The following PRKACG variants were observed in gnomAD, a reference collection of about 807,000 sequenced individuals.
PRKACG encodes cAMP-dependent protein kinase catalytic subunit gamma.
PRKACG carries 24 observed loss-of-function variants against 25.6 expected under a neutral mutation model. That is an observed-to-expected ratio of 0.94 (90% CI 0.68 to 1.32). PRKACG has a LOEUF of 1.32. PRKACG is among the 40% of genes most tolerant of loss of function. The probability of loss-of-function intolerance (pLI) is 0.00; values close to 1 mark genes in which losing one functional copy is unlikely to be tolerated. For synonymous variants in PRKACG, 202 were observed against 195.9 expected (o/e 1.03, Z -0.26); for missense variants, 481 against 462.9 (o/e 1.04, Z -0.36).
Position 69,012,903 on chromosome 9 carries a change from C to T in PRKACG, c.*134G>A. 1 of 885,186 alleles carries T rather than the reference C, an allele frequency of 1.1e-6. No homozygotes were observed. The highest frequency in any genetic ancestry group is 1.8e-5 in the South Asian group (1 of 56,030). The allele number at this position is 885,186 out of a possible 1,614,324, so 54.8% of individuals were successfully genotyped here. A position where few individuals can be genotyped will look rare whatever the true frequency, so the allele number is the denominator to read the frequency against. On this transcript the variant is annotated 3_prime_UTR_variant, in exon 1 of 1. Transcript: ENST00000377276. ...TATCTGGGCTTCCTGCTCCCCCAAC[C>T]CTGGAGGGTGGGGTGAGGATGAAAT...
rs765549654 is a variant in PRKACG, at chr9:69,013,898, C to T, written c.195G>A (p.Glu65=). ...TCTTCATGGCGTAGTGGCCGCCGGT[C>T]TCCTGGTGCCTCACCAGCATCACCC... ...FGRVMLVRHQ[E]TGGHYAMKIL... The change falls in exon 1 of 1, where the codon GAG becomes GAA. Residue 65 remains glutamate (E), a synonymous_variant. Coordinates refer to ENST00000377276, the MANE Select transcript of PRKACG (RefSeq NM_002732.4). 1.2e-5 allele frequency: 19 copies of T among 1,613,838 alleles called. No homozygotes were observed. The highest frequency in any genetic ancestry group is 3.3e-4 in the Middle Eastern group (2 of 6,084).
Position 69,013,552 on chromosome 9 carries a change from G to T in PRKACG, c.541C>A (p.Leu181Met), listed in dbSNP as rs986620783. The part of the protein sequence containing the change: ...ENLLIDQQGY[L>M]QVTDFGFAKR... Reference sequence around the variant, plus strand: ...GCGAAACCGAAGTCCGTCACCTGCAGGTAGCCCTGCTGGTCGATGAGGAGA... The same window carrying T: ...GCGAAACCGAAGTCCGTCACCTGCATGTAGCCCTGCTGGTCGATGAGGAGA... Residue 181 changes from leucine to methionine, a missense_variant, in exon 1 of 1, where the codon CTG (leucine) becomes ATG (methionine). Leu to Met is a conservative substitution (Grantham distance 15, BLOSUM62 2). Coordinates refer to ENST00000377276, the MANE Select transcript of PRKACG (RefSeq NM_002732.4). The T allele has an allele frequency of 6.2e-7, 1 of 1,613,950 alleles. No homozygotes were observed. Among genetic ancestry groups the T allele is most frequent in the Non-Finnish European group, 8.5e-7 (1 of 1,179,932 alleles).
At position 69,013,296 on chromosome 9, in the gene PRKACG, A is replaced by G. The variant is rs376888405; in HGVS notation, c.797T>C (p.Leu266Pro). ...CAGCAGGCTCCGCAGCAGATGCTTG[A>G]GGTCAGAGCTGAGTTTGGAGGGAAA... is the stretch of plus-strand genomic sequence containing the variant. ...VRFPSKLSSD[L>P]KHLLRSLLQV... Residue 266 changes from leucine (L) to proline (P), a missense_variant, in exon 1 of 1, where the codon CTC becomes CCC. Leu to Pro is a moderately conservative substitution (Grantham distance 98). Coordinates refer to ENST00000377276, the MANE Select transcript of PRKACG (RefSeq NM_002732.4). 14 of 1,613,970 alleles carry G rather than the reference A, an allele frequency of 8.7e-6. No individual in the cohort carries two copies. The highest frequency in any genetic ancestry group is 1.0e-5 in the Non-Finnish European group (12 of 1,180,014).
At position 69,013,927 on chromosome 9, in the gene PRKACG, C is replaced by A. The variant is rs781534995; in HGVS notation, c.166G>T (p.Gly56Trp). 6.2e-7 allele frequency: 1 copy of A among 1,613,872 alleles called. No homozygotes were observed. The highest frequency in any genetic ancestry group is 8.5e-7 in the Non-Finnish European group (1 of 1,180,000). ...TGGTGCCTCACCAGCATCACCCGCCCGAAGGAGCCCATGCCCAGCGTCCTG... is the reference window on the plus strand; with the variant it reads ...TGGTGCCTCACCAGCATCACCCGCCAGAAGGAGCCCATGCCCAGCGTCCTG... ...RLRTLGMGSFGRVMLVRHQET... is the reference protein window; with the variant it reads ...RLRTLGMGSFWRVMLVRHQET... Residue 56 changes from glycine to tryptophan, a missense_variant, in exon 1 of 1, where the codon GGG becomes TGG. Gly to Trp is a radical substitution (Grantham distance 184). Transcript: ENST00000377276.
In PRKACG at chr9:69,013,835, G is replaced by C. The variant is rs556702322; in HGVS notation, c.258C>G (p.Val86=). 1 of 1,613,720 alleles carries C rather than the reference G, an allele frequency of 6.2e-7. No individual in the cohort carries two copies. Residue 86 remains valine (V), a synonymous_variant, in exon 1 of 1, where the codon GTC becomes GTG. Transcript: ENST00000377276. ...TGCGCTTCTCGTTCAGTATGTGCTC[G>C]ACCTGCTTCATCTTCACCACCTTCT... ...NKQKVVKMKQ[V]EHILNEKRIL...
Position 69,013,719 on chromosome 9 carries a change from G to T in PRKACG, c.374C>A (p.Pro125Gln). The stretch of plus-strand genomic sequence containing the variant: ...TAGGCGGGAGAACATCTCCCCACCC[G>T]GCACGTACTCCATCACCAGGTACAG... Reference protein sequence around the residue: ...SYLYLVMEYVPGGEMFSRLQR... With the variant: ...SYLYLVMEYVQGGEMFSRLQR... Residue 125 changes from proline (P) to glutamine (Q), a missense_variant, in exon 1 of 1, where the codon CCG becomes CAG. Transcript: ENST00000377276. The T allele has an allele frequency of 1.2e-6, 2 of 1,614,058 alleles. No individual in the cohort carries two copies. The highest frequency in any genetic ancestry group is 1.7e-6 in the Non-Finnish European group (2 of 1,179,984).
chr9:69,013,718 CG>C lies in PRKACG; in HGVS notation c.374del (p.Pro125ArgfsTer44). ...SYLYLVMEYV[P>X]GGEMFSRLQR... ...GTAGGCGGGAGAACATCTCCCCACC[CG>C]GCACGTACTCCATCACCAGGTACAG... On this transcript the variant is annotated frameshift_variant, in exon 1 of 1. Transcript: ENST00000377276. LOFTEE classifies it high-confidence loss of function. 6.2e-7 allele frequency: 1 copy of C among 1,614,056 alleles called. No individual in the cohort carries two copies. The highest frequency in any genetic ancestry group is 8.5e-7 in the Non-Finnish European group (1 of 1,179,988).
chr9:69,013,956 C>T lies in PRKACG; in HGVS notation c.137G>A (p.Arg46Gln), dbSNP rs558559267. The change falls in exon 1 of 1, where the codon CGG (arginine) becomes CAG (glutamine). Residue 46 changes from arginine (R) to glutamine (Q), a missense_variant. Physicochemically the swap from Arg to Gln is conservative, Grantham distance 43. Transcript: ENST00000377276. ...GGAGCCCATGCCCAGCGTCCTGAGC[C>T]GTTCGAACTGATCCGAGCTGGCGGT... ...QNTASSDQFE[R>Q]LRTLGMGSFG... is the part of the protein sequence containing the mutation. 6.2e-6 allele frequency: 10 copies of T among 1,613,742 alleles called. No individual in the cohort carries two copies. Among genetic ancestry groups the T allele is most frequent in the East Asian group, 2.2e-5 (1 of 44,864 alleles).
At position 69,012,845 on chromosome 9, in the gene PRKACG, T is replaced by C; in HGVS notation, c.*192A>G. On this transcript the variant is annotated 3_prime_UTR_variant, in exon 1 of 1. Coordinates refer to ENST00000377276, the MANE Select transcript of PRKACG (RefSeq NM_002732.4). ...GGGACCAGGAAGGCATGGGGGGGGG[T>C]GAGGGAGCAGCTGGTGTTTCTGTTC... 3.6e-6 allele frequency: 2 copies of C among 558,216 alleles called. No homozygotes were observed. The highest frequency in any genetic ancestry group is 2.5e-5 in the South Asian group (1 of 40,172). 34.6% of individuals were successfully genotyped at this position (558,216 alleles called of 1,614,324 possible). A position where few individuals can be genotyped will look rare whatever the true frequency, so the allele number is the denominator to read the frequency against.
rs1350046854 is a variant in PRKACG at position 69,013,602 on chromosome 9, A to G, written c.491T>C (p.Ile164Thr). The G allele has an allele frequency of 1.1e-5, 17 of 1,612,974 alleles. No individual in the cohort carries two copies. The highest frequency in any genetic ancestry group is 1.4e-5 in the Non-Finnish European group (16 of 1,179,600). Reference protein sequence around the residue: ...AVQYLHSLDLIHRDLKPENLL... With the variant: ...AVQYLHSLDLTHRDLKPENLL... ...ATTCTCGGGCTTCAGGTCGCGGTGGATGAGGTCGAGCGAGTGTAGGTACTG... is the reference window on the plus strand; with the variant it reads ...ATTCTCGGGCTTCAGGTCGCGGTGGGTGAGGTCGAGCGAGTGTAGGTACTG... The change falls in exon 1 of 1, where the codon ATC becomes ACC. Residue 164 changes from isoleucine to threonine, a missense_variant. Coordinates refer to ENST00000377276, the MANE Select transcript of PRKACG (RefSeq NM_002732.4).
In PRKACG at chr9:69,013,330, T is replaced by A; in HGVS notation, c.763A>T (p.Arg255Trp). The A allele has an allele frequency of 1.2e-6, 2 of 1,614,058 alleles. No individual in the cohort carries two copies. Among genetic ancestry groups the A allele is most frequent in the East Asian group, 2.2e-5 (1 of 44,866 alleles). ...IQIYEKIVSG[R>W]VRFPSKLSSD... ...CTGAGTTTGGAGGGAAACCGCACCC[T>A]CCCAGAGACGATCTTCTCGTAGATC... Residue 255 changes from arginine (R) to tryptophan (W), a missense_variant, in exon 1 of 1, where the codon AGG (arginine) becomes TGG (tryptophan). By Grantham distance (101) the Arg-to-Trp change is moderately radical (BLOSUM62 -3). Transcript: ENST00000377276.
In PRKACG at chr9:69,013,290, T is replaced by C. The variant is rs1587804017; in HGVS notation, c.803A>G (p.His268Arg). 1 of 1,614,126 alleles carries C rather than the reference T, an allele frequency of 6.2e-7. No individual in the cohort carries two copies. Among genetic ancestry groups the C allele is most frequent in the Non-Finnish European group, 8.5e-7 (1 of 1,180,022 alleles). The change falls in exon 1 of 1, where the codon CAT (histidine) becomes CGT (arginine). Residue 268 changes from histidine (H) to arginine (R), a missense_variant. His to Arg is a conservative substitution (Grantham distance 29). Coordinates refer to ENST00000377276, the MANE Select transcript of PRKACG (RefSeq NM_002732.4). The part of the protein sequence containing the change: ...FPSKLSSDLK[H>R]LLRSLLQVDL... ...CACCTGCAGCAGGCTCCGCAGCAGA[T>C]GCTTGAGGTCAGAGCTGAGTTTGGA...
Position 69,012,712 on chromosome 9 carries a change from TACA to T in PRKACG, c.*322_*324del, listed in dbSNP as rs1252015364. 3 of 280,312 alleles carry T rather than the reference TACA, an allele frequency of 1.1e-5. No individual in the cohort carries two copies. In the East Asian group the frequency reaches 2.2e-4, roughly 20 times the overall value. 17.4% of individuals were successfully genotyped at this position (280,312 alleles called of 1,614,324 possible). A position where few individuals can be genotyped will look rare whatever the true frequency, so the allele number is the denominator to read the frequency against. On this transcript the variant is annotated 3_prime_UTR_variant, in exon 1 of 1. Coordinates refer to ENST00000377276, the MANE Select transcript of PRKACG (RefSeq NM_002732.4). ...CCTCTTTCCACACCGTGTCCCTTGATACAACAGCAAGACCTGGCCTGAATAGAG... is the reference window on the plus strand; with the variant it reads ...CCTCTTTCCACACCGTGTCCCTTGATACAGCAAGACCTGGCCTGAATAGAG...
rs1214225314 is a variant in PRKACG, at chr9:69,013,777, T to C, written c.316A>G (p.Lys106Glu). 2.5e-6 allele frequency: 4 copies of C among 1,613,868 alleles called. No individual in the cohort carries two copies. In the Admixed American group the frequency reaches 6.7e-5, roughly 27 times the overall value. Residue 106 changes from lysine to glutamate, a missense_variant, in exon 1 of 1, where the codon AAG (lysine) becomes GAG (glutamate). Transcript: ENST00000377276. ...LQAIDFPFLVKLQFSFKDNSY... is the reference protein window; with the variant it reads ...LQAIDFPFLVELQFSFKDNSY... Reference sequence around the variant, plus strand: ...TTGTCCTTAAAGGAGAACTGGAGCTTGACGAGGAACGGAAAGTCGATCGCC... The same window carrying C: ...TTGTCCTTAAAGGAGAACTGGAGCTCGACGAGGAACGGAAAGTCGATCGCC...
In PRKACG at chr9:69,013,901, C is replaced by T; in HGVS notation, c.192G>A (p.Gln64=). ...TCATGGCGTAGTGGCCGCCGGTCTCCTGGTGCCTCACCAGCATCACCCGCC... is the reference window on the plus strand; with the variant it reads ...TCATGGCGTAGTGGCCGCCGGTCTCTTGGTGCCTCACCAGCATCACCCGCC... ...SFGRVMLVRH[Q]ETGGHYAMKI... Residue 64 remains glutamine, a synonymous_variant, in exon 1 of 1, where the codon CAG becomes CAA. Transcript: ENST00000377276. 1.2e-6 allele frequency: 2 copies of T among 1,613,960 alleles called. No homozygotes were observed. Among genetic ancestry groups the T allele is most frequent in the Non-Finnish European group, 1.7e-6 (2 of 1,180,014 alleles).
In PRKACG at chr9:69,013,371, G is replaced by T. The variant is rs1564319320; in HGVS notation, c.722C>A (p.Ala241Asp). 1 of 1,613,812 alleles carries T rather than the reference G, an allele frequency of 6.2e-7. No homozygotes were observed. The highest frequency in any genetic ancestry group is 8.5e-7 in the Non-Finnish European group (1 of 1,180,006). ...EMAVGFPPFY[A>D]DQPIQIYEKI... Reference sequence around the variant, plus strand: ...CTCGTAGATCTGGATGGGCTGGTCGGCGTAGAAGGGTGGGAAGCCCACGGC... The same window carrying T: ...CTCGTAGATCTGGATGGGCTGGTCGTCGTAGAAGGGTGGGAAGCCCACGGC... The change falls in exon 1 of 1, where the codon GCC becomes GAC. Residue 241 changes from alanine to aspartate, a missense_variant. Transcript: ENST00000377276.
Position 69,013,699 on chromosome 9 carries a change from G to A in PRKACG, c.394C>T (p.Arg132Cys), listed in dbSNP as rs752604482. The change falls in exon 1 of 1, where the codon CGC (arginine) becomes TGC (cysteine). Residue 132 changes from arginine to cysteine, a missense_variant. Arg to Cys is a radical substitution (Grantham distance 180). Coordinates refer to ENST00000377276, the MANE Select transcript of PRKACG (RefSeq NM_002732.4). ...CTAAACCTTCCGACGCGCTGTAGGC[G>A]GGAGAACATCTCCCCACCCGGCACG... is the stretch of plus-strand genomic sequence containing the variant. ...EYVPGGEMFS[R>C]LQRVGRFSEP... The A allele has an allele frequency of 1.7e-5, 27 of 1,613,984 alleles. No homozygotes were observed. The highest frequency in any genetic ancestry group is 2.1e-5 in the Non-Finnish European group (25 of 1,180,038).
At position 69,013,965 on chromosome 9, in the gene PRKACG, T is replaced by C. The variant is rs954030008; in HGVS notation, c.128A>G (p.Gln43Arg). 6.2e-7 allele frequency: 1 copy of C among 1,613,804 alleles called. No individual in the cohort carries two copies. The highest frequency in any genetic ancestry group is 2.2e-5 in the East Asian group (1 of 44,856). Residue 43 changes from glutamine (Q) to arginine (R), a missense_variant, in exon 1 of 1, where the codon CAG becomes CGG. Transcript: ENST00000377276. ...NPAQNTASSD[Q>R]FERLRTLGMG... is the part of the protein sequence containing the mutation. ...GCCCAGCGTCCTGAGCCGTTCGAAC[T>C]GATCCGAGCTGGCGGTGTTTTGAGC...
chr9:69,013,222 C>T lies in PRKACG; in HGVS notation c.871G>A (p.Asp291Asn). Residue 291 changes from aspartate (D) to asparagine (N), a missense_variant, in exon 1 of 1, where the codon GAC (aspartate) becomes AAC (asparagine). By Grantham distance (23) the Asp-to-Asn change is conservative (BLOSUM62 1). Transcript: ENST00000377276. ...RFGNLRNGVG[D>N]IKNHKWFATT... ...GCGAACCACTTGTGGTTCTTGATGT[C>T]GCCAACCCCGTTCCTGAGGTTTCCG... The T allele has an allele frequency of 6.2e-7, 1 of 1,614,136 alleles. No homozygotes were observed. The highest frequency in any genetic ancestry group is 8.5e-7 in the Non-Finnish European group (1 of 1,180,030).
Sources: allele counts gnomAD v4.1 joint callset, GRCh38; gene constraint gnomAD v4.1.1; transcripts MANE v1.5; gene names NCBI Gene and HGNC (gene_info 2026-07-23, HGNC 2026-07-21).